Variants in DYTN observed in about 807,000 individuals in gnomAD.
DYTN encodes dystrotelin.
DYTN carries 75 observed loss-of-function variants against 69.6 expected under a neutral mutation model. The ratio of observed to expected loss-of-function variants is 1.08; its 90% CI spans 0.89 to 1.31. The LOEUF is 1.31. Ranked by LOEUF, DYTN falls within the 50% of genes most tolerant of loss-of-function variation. The pLI is 0.00. For synonymous variants in DYTN, 252 were observed against 249.1 expected (o/e 1.01, Z -0.11); for missense variants, 726 against 688.4 (o/e 1.05, Z -0.61).
intron 9 of DYTN, among the ~76,000 whole-genome samples, chr2:206,688,281 C>A (rs932154038): frequency 3.9e-5 from 6 of 152,080 alleles, no homozygotes; most frequent in Non-Finnish European, 8.8e-5. Context: ...TGGTCAACAG[C>A]AATATAAATC....
chr2:206,710,378 C>T, intron 2 of DYTN, 146 bp downstream of exon 2: 1 of 670,436 alleles, frequency 1.5e-6, no homozygotes, highest in Non-Finnish European at 2.4e-6. Flanking sequence ...TCCATCTTCT[C>T]TGTCACGAAT....
chr2:206,658,410 T>C (rs1448024524), intron 11 of DYTN, among the ~76,000 whole-genome samples: 4 of 152,164 alleles, frequency 2.6e-5, no homozygotes, highest in Non-Finnish European at 5.9e-5. Context: ...TATTTTAGTA[T>C]CTGTGCAATA....
intron 9 of DYTN, among the ~76,000 whole-genome samples, chr2:206,691,439 T>TG (rs1699862063): frequency 6.6e-6 from 1 of 152,058 alleles, no homozygotes; most frequent in Non-Finnish European, 1.5e-5. Flanking sequence ...TATGGATCTT[T>TG]GTGATGTGAC....
At chr2:206,663,838 A>G (rs1265280249) in intron 10 of DYTN, among the ~76,000 whole-genome samples, 4 of 152,244 alleles carry the variant, frequency 2.6e-5, no homozygotes, top group African/African-American at 7.2e-5. Context: ...CTTGAAGCAC[A>G]GTTCTCATTG....
Position 206,665,917 on chromosome 2 carries a change from G to A in DYTN, c.1093C>T (p.Gln365Ter), listed in dbSNP as rs909747679. The A allele has an allele frequency of 5.6e-6, 9 of 1,613,856 alleles. No individual in the cohort carries two copies. Among genetic ancestry groups the A allele is most frequent in the Non-Finnish European group, 7.6e-6 (9 of 1,179,826 alleles). The part of the protein sequence containing the change: ...ETRIHKLKTN[Q>*]DSLWTKLQQI... ...TGTAGCTTGGTCCATAGACTATCCT[G>A]GTTGGTTTTGAGTTTGTGAATCCTT... The change falls in exon 10 of 12, where the codon CAG (glutamine) becomes TAG (stop). Residue 365 changes from glutamine (Q) to a stop codon, truncating the protein, a stop_gained. Coordinates refer to ENST00000452335, the MANE Select transcript of DYTN (RefSeq NM_001093730.1). LOFTEE classifies it high-confidence loss of function.
chr2:206,666,029 C>G lies in DYTN; in HGVS notation c.981G>C (p.Arg327Ser), dbSNP rs758472127. The G allele has an allele frequency of 3.1e-6, 5 of 1,613,176 alleles. No homozygotes were observed. Among genetic ancestry groups the G allele is most frequent in the Non-Finnish European group, 4.2e-6 (5 of 1,179,520 alleles). ...PKGVPHHAQA[R>S]LLKKQLNQYK... Reference sequence around the variant, plus strand: ...ATTGGTTTAACTGTTTTTTAAGGAGCCTGAAAAGAGAACAGATTTGAGCGG... The same window carrying G: ...ATTGGTTTAACTGTTTTTTAAGGAGGCTGAAAAGAGAACAGATTTGAGCGG... Residue 327 changes from arginine to serine, a missense_variant and splice_region_variant, in exon 10 of 12, where the codon AGG becomes AGC. Arg to Ser is a moderately radical substitution (Grantham distance 110). Coordinates refer to ENST00000452335, the MANE Select transcript of DYTN (RefSeq NM_001093730.1).
At chr2:206,673,069 C>T (rs1018304360) in intron 9 of DYTN, among the ~76,000 whole-genome samples, 42 of 152,098 alleles carry the variant, frequency 2.8e-4, no homozygotes, top group Admixed American at 2.8e-3. Flanking sequence ...TTTCCTGATC[C>T]TCTCCCTCCT....
At chr2:206,704,530 TGCTAA>T (rs1426664563) in intron 5 of DYTN, among the ~76,000 whole-genome samples, 1 of 152,224 alleles carries the variant, frequency 6.6e-6, no homozygotes, top group African/African-American at 2.4e-5. Context: ...TCATTGTCTT[TGCTAA>T]GCTATTTTAC....
chr2:206,664,493 C>CA (rs945634512), intron 10 of DYTN, among the ~76,000 whole-genome samples: 8 of 151,608 alleles, frequency 5.3e-5, no homozygotes, highest in East Asian at 1.9e-4. Context: ...CCCCTCCCTA[C>CA]AAAAAATAAA....
At chr2:206,658,935 T>A (rs1699476698) in intron 11 of DYTN, among the ~76,000 whole-genome samples, 1 of 149,110 alleles carries the variant, frequency 6.7e-6, no homozygotes, top group Non-Finnish European at 1.5e-5. Flanking sequence ...CAAGAAATTT[T>A]ACTATCAAAT....
In DYTN at chr2:206,710,600, T is replaced by A; in HGVS notation, c.20-2A>T. ...AATTCTCAATACTATTAAGAGCATC[T>A]GTAAAGAAAACGTAAAATATTATGA... On this transcript the variant is annotated splice_acceptor_variant, in intron 1 of 11. Coordinates refer to ENST00000452335, the MANE Select transcript of DYTN (RefSeq NM_001093730.1). LOFTEE classifies it high-confidence loss of function. The A allele has an allele frequency of 2.5e-6, 4 of 1,597,130 alleles. 1 individual carries two copies. In the South Asian group the frequency reaches 4.6e-5, roughly 18 times the overall value.
intron 9 of DYTN, among the ~76,000 whole-genome samples, chr2:206,676,708 C>T (rs1699693570): frequency 6.6e-6 from 1 of 152,152 alleles, no homozygotes; most frequent in African/African-American, 2.4e-5. Context: ...TACTAAACAG[C>T]AGTGCCTATA....
At chr2:206,654,285 C>T (rs1416833076) in intron 11 of DYTN, among the ~76,000 whole-genome samples, 2 of 152,126 alleles carry the variant, frequency 1.3e-5, no homozygotes, top group Admixed American at 6.6e-5. Flanking sequence ...TCTACCTCTG[C>T]CATACCTGAG....
At chr2:206,675,241 G>A (rs1014993029) in intron 9 of DYTN, among the ~76,000 whole-genome samples, 1 of 143,270 alleles carries the variant, frequency 7.0e-6, no homozygotes, top group African/African-American at 2.6e-5. Context: ...ATGTATATAT[G>A]TAAATAAACA....
At chr2:206,656,494 T>C (rs1699449241) in intron 11 of DYTN, among the ~76,000 whole-genome samples, 1 of 152,180 alleles carries the variant, frequency 6.6e-6, no homozygotes, top group African/African-American at 2.4e-5. Context: ...TAATTATTGA[T>C]AGGGGAGGAC....
chr2:206,706,770 AAC>A (rs1008390201), intron 3 of DYTN, among the ~76,000 whole-genome samples: 3 of 152,170 alleles, frequency 2.0e-5, no homozygotes, highest in African/African-American at 7.2e-5. Context: ...CAGCTCAAAA[AAC>A]ACACGCACCC....
chr2:206,657,098 T>A (rs1290587001), intron 11 of DYTN, among the ~76,000 whole-genome samples: 2 of 152,136 alleles, frequency 1.3e-5, no homozygotes, highest in African/African-American at 2.4e-5. Flanking sequence ...TGTTTATTTT[T>A]ATTTTGTTCA....
At chr2:206,658,984 CT>C (rs35131832) in intron 11 of DYTN, among the ~76,000 whole-genome samples, 12,543 of 140,012 alleles carry the variant, frequency 0.09, 554 homozygotes, top group Admixed American at 0.15. Flanking sequence ...AACAAGAGGA[CT>C]TTTTTTTTTT....
chr2:206,700,562 T>C (rs1574601189), intron 5 of DYTN, among the ~76,000 whole-genome samples: 1 of 152,062 alleles, frequency 6.6e-6, no homozygotes, highest in South Asian at 2.1e-4. Context: ...AAGATCACAA[T>C]AATACTGTCT....
Sources: allele counts gnomAD v4.1 joint callset (sites outside exome capture counted in the v4.1 genomes callset), GRCh38; gene constraint gnomAD v4.1.1; transcripts MANE v1.5; gene names NCBI Gene and HGNC (gene_info 2026-07-23, HGNC 2026-07-21).